Variants in GIMD1 observed in about 807,000 individuals in gnomAD.
GIMD1 encodes the protein GTPase IMAP family member GIMD1.
Under a neutral mutation model 14.9 loss-of-function variants are expected in GIMD1, and 14 were observed. The ratio of observed to expected loss-of-function variants is 0.94; its 90% CI spans 0.62 to 1.47. The LOEUF (loss-of-function observed/expected upper bound fraction) is 1.47. Ranked by LOEUF, GIMD1 falls within the 40% of genes most tolerant of loss-of-function variation. The pLI, the probability that GIMD1 is intolerant of heterozygous loss-of-function variation, is 0.00. For missense variants in GIMD1, 272 were observed against 255.3 expected, an observed-to-expected ratio of 1.07 and a Z score of -0.44; for synonymous variants, 91 against 90.5, an observed-to-expected ratio of 1.01 and a Z score of -0.03.
Position 106,367,209 on chromosome 4 carries a change from G to A in GIMD1, c.227C>T (p.Pro76Leu), listed in dbSNP as rs1480876894. 4 of 1,535,556 alleles carry A rather than the reference G, an allele frequency of 2.6e-6. 1 individual carries two copies. In the Admixed American group the frequency reaches 7.9e-5, roughly 30 times the overall value. The change falls in exon 2 of 3, where the codon CCA becomes CTA. Residue 76 changes from proline to leucine, a missense_variant. Transcript: ENST00000638719. ...VALQVQVLDT[P>L]GYPHSRLSKK... ...GCTCAGCCTGCTGTGTGGATAACCT[G>A]GAGTGTCCAACACCTGGACCTGCAG...
At chr4:106,365,253 T>TA (rs1770678642) in intron 2 of GIMD1, among the ~76,000 whole-genome samples, 1 of 152,156 alleles carries the variant, frequency 6.6e-6, no homozygotes, top group South Asian at 2.1e-4. Flanking sequence ...TACTGTTTCT[T>TA]AATTGCAATC....
At chr4:106,365,912 TGC>T (rs1035262690) in intron 2 of GIMD1, among the ~76,000 whole-genome samples, 12 of 147,700 alleles carry the variant, frequency 8.1e-5, no homozygotes, top group African/African-American at 2.3e-4. Context: ...ACACATCATA[TGC>T]ACACACACAC....
intron 2 of GIMD1, among the ~76,000 whole-genome samples, chr4:106,363,407 C>T (rs1296887423): frequency 6.6e-6 from 1 of 152,074 alleles, no homozygotes; most frequent in Non-Finnish European, 1.5e-5. Flanking sequence ...TAGAACCCAT[C>T]TCGTAATCTC....
Position 106,367,407 on chromosome 4 carries a change from T to C in GIMD1, c.29A>G (p.Asn10Ser). The stretch of plus-strand genomic sequence containing the variant: ...CTGAGTCATGCCAAAGAGGGCCAAG[T>C]TGATGATCATCTTGTTGGGGTCTGT... MTDPNKMII[N>S]LALFGMTQSG... Residue 10 changes from asparagine (N) to serine (S), a missense_variant, in exon 2 of 3, where the codon AAC (asparagine) becomes AGC (serine). Transcript: ENST00000638719. 4.6e-6 allele frequency: 7 copies of C among 1,534,648 alleles called. No homozygotes were observed. The highest frequency in any genetic ancestry group is 2.4e-5 in the South Asian group (2 of 83,934).
intron 2 of GIMD1, among the ~76,000 whole-genome samples, chr4:106,363,897 CGGAAATGGACCATA>C (rs1487637182): frequency 1.6e-5 from 1 of 60,946 alleles, no homozygotes; most frequent in East Asian, 5.0e-4. Flanking sequence ...GGGGGGGGGG[CGGAAATGGACCATA>C]GGCAATACCT....
At chr4:106,368,507 G>A (rs2949645) in intron 1 of GIMD1, among the ~76,000 whole-genome samples, 35,383 of 151,936 alleles carry the variant, frequency 0.23, 4,357 homozygotes, top group Middle Eastern at 0.38. Context: ...ACACGCTAAC[G>A]TGAACACCTT....
At chr4:106,366,436 G>A (rs1197876657) in intron 2 of GIMD1, among the ~76,000 whole-genome samples, 1 of 152,100 alleles carries the variant, frequency 6.6e-6, no homozygotes, top group East Asian at 1.9e-4. Flanking sequence ...GCACTGTTTA[G>A]ATGCTCAATA....
At chr4:106,366,209 G>A (rs1770696833) in intron 2 of GIMD1, among the ~76,000 whole-genome samples, 1 of 152,138 alleles carries the variant, frequency 6.6e-6, no homozygotes, top group Non-Finnish European at 1.5e-5. Context: ...GATAAGGCAA[G>A]CAAAGAATCT....
chr4:106,366,301 T>G (rs1404064801), intron 2 of GIMD1, among the ~76,000 whole-genome samples: 1 of 152,190 alleles, frequency 6.6e-6, no homozygotes, highest in African/African-American at 2.4e-5. Context: ...TGAAACCCCC[T>G]CTTTTTCATT....
Position 106,368,215 on chromosome 4 carries a change from A to AATCTTGGG in GIMD1, c.-3+487_-3+494dup, listed in dbSNP as rs540557137. ...GGGCAGCTCAGTTAGAAGGGGGGAG[A>AATCTTGGG]ATCTTGGGAGAATCTATTCCATGTA... On this transcript the variant is annotated intron_variant, in intron 1 of 2. Coordinates refer to ENST00000638719, the MANE Select transcript of GIMD1 (RefSeq NM_001195138.2). 4.5e-4 allele frequency among the ~76,000 whole-genome samples: 69 copies of AATCTTGGG among 152,214 alleles called. 1 individual carries two copies. In the East Asian group the frequency reaches 0.013, roughly 28 times the overall value.
intron 2 of GIMD1, among the ~76,000 whole-genome samples, chr4:106,361,595 A>G (rs1770613598): frequency 6.6e-6 from 1 of 152,074 alleles, no homozygotes; most frequent in Admixed American, 6.6e-5. Context: ...GCCAGACCTG[A>G]TATTCACCAA....
In GIMD1 at chr4:106,359,076, A is replaced by G. The variant is rs1269572227; in HGVS notation, c.394-633T>C. The stretch of plus-strand genomic sequence containing the variant: ...ACTTCCTCTAATGTGGTTGAAAAAC[A>G]TTGAAGACTGGCATTCCTTTGTTTA... On this transcript the variant is annotated intron_variant, in intron 2 of 2. Coordinates refer to ENST00000638719, the MANE Select transcript of GIMD1 (RefSeq NM_001195138.2). Among the ~76,000 whole-genome samples, 3 of 151,988 alleles carry G rather than the reference A, an allele frequency of 2.0e-5. No homozygotes were observed. The East Asian group carries it at 5.8e-4, about 29-fold the overall frequency.
chr4:106,360,148 T>G (rs1449114040), intron 2 of GIMD1, among the ~76,000 whole-genome samples: 1 of 151,924 alleles, frequency 6.6e-6, no homozygotes. Flanking sequence ...TAAAGCTTCT[T>G]TTTTTTGCAG....
chr4:106,358,452 G>C lies in GIMD1; in HGVS notation c.394-9C>G. On this transcript the variant is annotated splice_polypyrimidine_tract_variant and intron_variant, in intron 2 of 2. Transcript: ENST00000638719. ...GCATGTCCAAGAAGTTCCTGAAAGA[G>C]AGAAGTTAGATAACTATTGAACTTG... The C allele has an allele frequency of 8.7e-6, 13 of 1,500,824 alleles. No individual in the cohort carries two copies. Among genetic ancestry groups the C allele is most frequent in the Non-Finnish European group, 1.1e-5 (13 of 1,135,004 alleles). 93.0% of individuals were successfully genotyped at this position (1,500,824 alleles called of 1,614,324 possible). A position where few individuals can be genotyped will look rare whatever the true frequency, so the allele number is the denominator to read the frequency against.
intron 2 of GIMD1, among the ~76,000 whole-genome samples, chr4:106,364,422 C>T (rs1277205359): frequency 6.6e-6 from 1 of 152,152 alleles, no homozygotes; most frequent in Non-Finnish European, 1.5e-5. Context: ...ACCTGAGGAC[C>T]TAACAGCTTC....
intron 1 of GIMD1, 25 bp from the exon 2 acceptor site, chr4:106,367,462 C>A: frequency 6.7e-7 from 1 of 1,496,838 alleles, no homozygotes; most frequent in East Asian, 2.5e-5. Flanking sequence ...AGGCATAGCA[C>A]GCATAATTAG....
At chr4:106,361,606 G>C (rs942201168) in intron 2 of GIMD1, among the ~76,000 whole-genome samples, 1 of 152,024 alleles carries the variant, frequency 6.6e-6, no homozygotes, top group Admixed American at 6.6e-5. Flanking sequence ...TATTCACCAA[G>C]TACGCTATGA....
intron 2 of GIMD1, among the ~76,000 whole-genome samples, chr4:106,363,889 G>C (rs886165243): frequency 5.7e-5 from 8 of 140,782 alleles, no homozygotes; most frequent in East Asian, 2.4e-4. Context: ...ATAATGGGGG[G>C]GGGGGGGCGG....
Position 106,367,385 on chromosome 4 carries a change from A to T in GIMD1, c.51T>A (p.Thr17=). Residue 17 remains threonine, a synonymous_variant, in exon 2 of 3, where the codon ACT becomes ACA. Transcript: ENST00000638719. ...MIINLALFGM[T]QSGKSSAGNI... is the part of the protein sequence containing the mutation. ...TTCCAGCAGAACTTTTTCCACTCTGAGTCATGCCAAAGAGGGCCAAGTTGA... is the reference window on the plus strand; with the variant it reads ...TTCCAGCAGAACTTTTTCCACTCTGTGTCATGCCAAAGAGGGCCAAGTTGA... 6.5e-7 allele frequency: 1 copy of T among 1,535,820 alleles called. No homozygotes were observed. Among genetic ancestry groups the T allele is most frequent in the Non-Finnish European group, 8.7e-7 (1 of 1,146,724 alleles).
Sources: gnomAD v4.1 joint callset for allele counts (sites outside exome capture counted in the v4.1 genomes callset) on GRCh38, gnomAD v4.1.1 for gene constraint, MANE v1.5 for transcripts, NCBI Gene and HGNC (gene_info 2026-07-23, HGNC 2026-07-21) for gene names.